The following TTC7A variants were observed in gnomAD, a reference collection of about 807,000 sequenced individuals.
TTC7A encodes tetratricopeptide repeat domain 7A.
A neutral mutation model predicts 103.7 loss-of-function variants in TTC7A; 110 were observed. The observed-to-expected ratio is 1.06, with a 90% CI of 0.91 to 1.24. The LOEUF (loss-of-function observed/expected upper bound fraction) is 1.24. Ranked by LOEUF, TTC7A falls within the 50% of genes most tolerant of loss-of-function variation. The pLI is 0.00. For synonymous variants in TTC7A, 521 were observed against 467.9 expected, an observed-to-expected ratio of 1.11 and a Z score of -1.47; for missense variants, 1,340 against 1,116.3, an observed-to-expected ratio of 1.20 and a Z score of -2.86.
At chr2:46,999,861 A>G (rs1318216840) in intron 8 of TTC7A, 1 of 985,450 alleles carries the variant, frequency 1.0e-6, no homozygotes, top group Non-Finnish European at 1.2e-6. Flanking sequence ...TGGAAAGGGT[A>G]CAGAGCCCTG....
upstream of TTC7A, chr2:46,941,049 C>CGGCGGGG (rs1193676521): frequency 2.1e-4 from 31 of 150,954 alleles, no homozygotes; most frequent in Middle Eastern, 3.4e-3. This position sits in a 1 kb window ranked among gnomAD's most constrained non-coding sequence, Gnocchi z 4.2. Flanking sequence ...GCGGGGGCGG[C>CGGCGGGG]GGCGGGGGGC....
intron 15 of TTC7A, among the ~76,000 whole-genome samples, chr2:47,041,694 G>A (rs375788079): frequency 2.0e-5 from 3 of 151,348 alleles, no homozygotes; most frequent in Non-Finnish European, 2.9e-5. Flanking sequence ...CAGAGGTTGC[G>A]GTGAGCCAAG....
chr2:46,989,670 A>G (rs1382211866), intron 5 of TTC7A, among the ~76,000 whole-genome samples: 1 of 152,168 alleles, frequency 6.6e-6, no homozygotes, highest in Middle Eastern at 3.4e-3. Context: ...GATTTACCCA[A>G]AACATGCCTG....
chr2:47,005,234 G>A lies in TTC7A; in HGVS notation c.1066-688G>A, dbSNP rs56179906. Among the ~76,000 whole-genome samples, 420 of 150,790 alleles carry A rather than the reference G, an allele frequency of 2.8e-3. 2 individuals carry two copies. The highest frequency in any genetic ancestry group is 9.8e-3 in the African/African-American group (398 of 40,466). On this transcript the variant is annotated intron_variant, in intron 8 of 19. Transcript: ENST00000319190. ...CGGGCTGGACACAGAGAGGAAGGGA[G>A]GGGGGGGCTCTGGGAATGTCGTTGT...
intron 19 of TTC7A, among the ~76,000 whole-genome samples, chr2:47,072,657 C>T (rs1003197094): frequency 1.1e-4 from 16 of 152,352 alleles, no homozygotes; most frequent in Admixed American, 3.3e-4. Context: ...ACTGCGGCCC[C>T]CGCCTGTCCA....
chr2:46,946,705 AGC>A (rs1269114716), intron 1 of TTC7A, among the ~76,000 whole-genome samples: 2 of 152,218 alleles, frequency 1.3e-5, no homozygotes, highest in Non-Finnish European at 2.9e-5. Flanking sequence ...TATAGGCATA[AGC>A]CACCACAGCA....
chr2:47,000,253 G>GT (rs1321038141), intron 8 of TTC7A, among the ~76,000 whole-genome samples: 5 of 131,432 alleles, frequency 3.8e-5, no homozygotes, highest in Admixed American at 2.3e-4. Context: ...GTGCCATTCA[G>GT]TTAAAAAAAA....
At position 47,073,958 on chromosome 2, in the gene TTC7A, A is replaced by C. The variant is rs1372159400; in HGVS notation, c.*35A>C. ...AGCCGCAGGGAGGGAGGGGCTGGCC[A>C]GAGGGAGAGGCAGCAGGGAACGTGG... is the stretch of plus-strand genomic sequence containing the variant. On this transcript the variant is annotated 3_prime_UTR_variant, in exon 20 of 20. Coordinates refer to ENST00000319190, the MANE Select transcript of TTC7A (RefSeq NM_020458.4). The C allele has an allele frequency of 6.4e-7, 1 of 1,570,828 alleles. No homozygotes were observed. Among genetic ancestry groups the C allele is most frequent in the Non-Finnish European group, 8.7e-7 (1 of 1,151,044 alleles).
At chr2:46,950,638 A>G in intron 2 of TTC7A, 112 bp downstream of exon 2, 2 of 1,242,936 alleles carry the variant, frequency 1.6e-6, no homozygotes, top group East Asian at 2.5e-5. Flanking sequence ...CTCTCTTACA[A>G]GCTGCCCTTG....
intron 15 of TTC7A, among the ~76,000 whole-genome samples, chr2:47,031,392 G>C (rs1394712472): frequency 6.6e-6 from 1 of 152,150 alleles, no homozygotes; most frequent in Non-Finnish European, 1.5e-5. Context: ...CTCCATCTGC[G>C]CACCTCTCTG....
chr2:47,025,870 C>G (rs1361808862), intron 14 of TTC7A, among the ~76,000 whole-genome samples: 3 of 152,234 alleles, frequency 2.0e-5, no homozygotes, highest in Admixed American at 2.0e-4. Flanking sequence ...CCTCTGTGCC[C>G]CTCCAGGAGC....
At position 46,941,642 on chromosome 2, in the gene TTC7A, G is replaced by C; in HGVS notation, c.101G>C (p.Arg34Pro). Residue 34 changes from arginine (R) to proline (P), a missense_variant, in exon 1 of 20, where the codon CGG becomes CCG. Physicochemically the swap from Arg to Pro is moderately radical, Grantham distance 103 (BLOSUM62 -2). Coordinates refer to ENST00000319190, the MANE Select transcript of TTC7A (RefSeq NM_020458.4). This position sits in a 1 kb window ranked among gnomAD's most constrained non-coding sequence, Gnocchi z 4.2. Reference sequence around the variant, plus strand: ...TGGGACCGCATGCCGGAGCTGGTCCGGCAGCTGCAGACGCTGAGCATGCCC... The same window carrying C: ...TGGGACCGCATGCCGGAGCTGGTCCCGCAGCTGCAGACGCTGAGCATGCCC... ...GHWDRMPELV[R>P]QLQTLSMPGG... The C allele has an allele frequency of 1.3e-6, 2 of 1,553,162 alleles. No homozygotes were observed. The highest frequency in any genetic ancestry group is 1.7e-6 in the Non-Finnish European group (2 of 1,148,702).
chr2:46,919,645 G>T (rs1351156851), intron 2 of TTC7A, among the ~76,000 whole-genome samples: 2 of 152,198 alleles, frequency 1.3e-5, no homozygotes, highest in East Asian at 3.8e-4. Flanking sequence ...TCTCAAGCCT[G>T]GTTAACAACA....
intron 3 of TTC7A, among the ~76,000 whole-genome samples, chr2:46,963,679 G>C (rs763861979): frequency 6.6e-6 from 1 of 152,222 alleles, no homozygotes; most frequent in Non-Finnish European, 1.5e-5. Context: ...GATATTTATG[G>C]CCCCTTGTAC....
At chr2:47,047,282 G>A (rs1453284672) in intron 16 of TTC7A, 2 of 1,549,650 alleles carry the variant, frequency 1.3e-6, no homozygotes, top group Non-Finnish European at 1.7e-6. Flanking sequence ...TAGGAGCCCA[G>A]AAGGCTTCCA....
intron 2 of TTC7A, among the ~76,000 whole-genome samples, chr2:46,922,666 C>T (rs1235629583): frequency 1.3e-5 from 2 of 151,972 alleles, no homozygotes; most frequent in East Asian, 3.9e-4. Context: ...GTAGAAACCA[C>T]TCAGAGTTTC....
intron 3 of TTC7A, among the ~76,000 whole-genome samples, chr2:46,971,354 G>A (rs1354228818): frequency 6.6e-6 from 1 of 152,186 alleles, no homozygotes; most frequent in African/African-American, 2.4e-5. Flanking sequence ...GACCTGGTGG[G>A]GTGGATACAT....
At chr2:46,965,003 C>A (rs561918336) in intron 3 of TTC7A, among the ~76,000 whole-genome samples, 2 of 152,220 alleles carry the variant, frequency 1.3e-5, no homozygotes, top group Non-Finnish European at 2.9e-5. Flanking sequence ...CAGGGAGGTC[C>A]TGATGCCCTG....
chr2:46,975,198 TAGA>T (rs570414900), intron 4 of TTC7A, 95 bp downstream of exon 4: 12 of 1,518,344 alleles, frequency 7.9e-6, no homozygotes, highest in African/African-American at 4.1e-5. Context: ...GTGTGCTAAT[TAGA>T]AGAAGTCACC....
Sources: allele counts gnomAD v4.1 joint callset (sites outside exome capture counted in the v4.1 genomes callset), GRCh38; gene constraint gnomAD v4.1.1; non-coding constraint Gnocchi (gnomAD v3.1); transcripts MANE v1.5; gene names NCBI Gene and HGNC (gene_info 2026-07-23, HGNC 2026-07-21).